The following PHACTR2 variants were observed in gnomAD, a reference collection of about 807,000 sequenced individuals.
The protein encoded by PHACTR2 is phosphatase and actin regulator 2.
PHACTR2 carries 30 observed loss-of-function variants against 76.0 expected under a neutral mutation model. The ratio of observed to expected loss-of-function variants is 0.39; its 90% CI spans 0.30 to 0.54. The LOEUF is 0.54. PHACTR2 is among the 20% of genes least tolerant of loss of function. PHACTR2 has a pLI of 0.61. For missense variants in PHACTR2, 696 were observed against 781.1 expected (o/e 0.89, Z 1.30); for synonymous variants, 292 against 292.5 (o/e 1.00, Z 0.02).
At chr6:143,734,393 C>A (rs971538713) in intron 2 of PHACTR2, among the ~76,000 whole-genome samples, 1 of 152,148 alleles carries the variant, frequency 6.6e-6, no homozygotes, top group Middle Eastern at 3.2e-3. Context: ...TGTGTTTAAT[C>A]CAAGCCGAGC....
intron 1 of PHACTR2, among the ~76,000 whole-genome samples, chr6:143,635,585 G>A (rs1441343693): frequency 1.3e-5 from 2 of 152,122 alleles, no homozygotes; most frequent in African/African-American, 4.8e-5. Context: ...ATTAATATTA[G>A]CAGGCCTATA....
At chr6:143,631,550 G>A (rs761059331) in intron 1 of PHACTR2, among the ~76,000 whole-genome samples, 28 of 152,148 alleles carry the variant, frequency 1.8e-4, no homozygotes, top group African/African-American at 4.8e-4. Context: ...GTGTGCTTCC[G>A]TGCCTATGGT....
In PHACTR2 at chr6:143,756,937, C is replaced by T. The variant is rs546186396; in HGVS notation, c.454+3025C>T. 4.0e-4 allele frequency among the ~76,000 whole-genome samples: 61 copies of T among 151,990 alleles called. 1 individual carries two copies. Among genetic ancestry groups the T allele is most frequent in the African/African-American group, 1.4e-3 (60 of 41,458 alleles). ...TGGTGGGCACCTGTAATCCCAGCTA[C>T]TGGGAAGCTGAGGCAGGGAGAATTG... On this transcript the variant is annotated intron_variant, in intron 4 of 12. Coordinates refer to ENST00000440869, the MANE Select transcript of PHACTR2 (RefSeq NM_001100164.2).
rs1006790747 is a variant in PHACTR2, at chr6:143,698,433, G to A, written c.47-13583G>A. 2.0e-5 allele frequency among the ~76,000 whole-genome samples: 3 copies of A among 152,202 alleles called. No homozygotes were observed. Among genetic ancestry groups the A allele is most frequent in the African/African-American group, 7.2e-5 (3 of 41,446 alleles). Reference sequence around the variant, plus strand: ...GAATTAGGTGTACAAACCAAGGAATGTTAATCTTTTGCTTTTCAGTGGCTT... The same window carrying A: ...GAATTAGGTGTACAAACCAAGGAATATTAATCTTTTGCTTTTCAGTGGCTT... On this transcript the variant is annotated intron_variant, in intron 1 of 12. Transcript: ENST00000440869. The surrounding 1 kb of genome is among the most constrained non-coding windows in gnomAD (Gnocchi z 4.3).
In PHACTR2 at chr6:143,718,042, C is replaced by T. The variant is rs373947393; in HGVS notation, c.214+5859C>T. 8.5e-5 allele frequency among the ~76,000 whole-genome samples: 13 copies of T among 152,180 alleles called. No individual in the cohort carries two copies. In the East Asian group the frequency reaches 2.5e-3, roughly 29 times the overall value. Reference sequence around the variant, plus strand: ...TGTCCTTATTTAAAAGTAAGTTATACTCCTGTATAAAGAAAATCAAGGCAA... The same window carrying T: ...TGTCCTTATTTAAAAGTAAGTTATATTCCTGTATAAAGAAAATCAAGGCAA... On this transcript the variant is annotated intron_variant, in intron 2 of 12. Coordinates refer to ENST00000440869, the MANE Select transcript of PHACTR2 (RefSeq NM_001100164.2).
rs1346552225 is a variant in PHACTR2 at position 143,597,535 on chromosome 6, G to C, written c.217+60328G>C. On this transcript the variant is annotated intron_variant, in intron 1 of 11. Coordinates refer to the PHACTR2 transcript ENST00000367584. This position sits in a 1 kb window ranked among gnomAD's most constrained non-coding sequence, Gnocchi z 5.7. ...GTGTATTACATATGTCATCTTTGCAGAGTTCAGTTGTAATTTGTCCTGGAC... is the reference window on the plus strand; with the variant it reads ...GTGTATTACATATGTCATCTTTGCACAGTTCAGTTGTAATTTGTCCTGGAC... 6.6e-6 allele frequency among the ~76,000 whole-genome samples: 1 copy of C among 152,198 alleles called. No individual in the cohort carries two copies. Among genetic ancestry groups the C allele is most frequent in the Non-Finnish European group, 1.5e-5 (1 of 68,036 alleles).
rs1326208628 is a variant in PHACTR2, at chr6:143,753,152, A to G, written c.296-602A>G. Among the ~76,000 whole-genome samples the G allele has an allele frequency of 6.6e-6, 1 of 151,942 alleles. No homozygotes were observed. The highest frequency in any genetic ancestry group is 1.5e-5 in the Non-Finnish European group (1 of 67,964). ...ATAATAATTACCTGAGTATACTTTA[A>G]TCTTTCCATAAACAAATAAAAATAA... On this transcript the variant is annotated intron_variant, in intron 3 of 12. Coordinates refer to ENST00000440869, the MANE Select transcript of PHACTR2 (RefSeq NM_001100164.2). This position sits in a 1 kb window ranked among gnomAD's most constrained non-coding sequence, Gnocchi z 4.6.
intron 1 of PHACTR2, among the ~76,000 whole-genome samples, chr6:143,540,748 A>G (rs773435961): frequency 6.6e-6 from 1 of 152,212 alleles, no homozygotes; most frequent in Non-Finnish European, 1.5e-5. Flanking sequence ...AATCTATACA[A>G]AAAAGTTAAG....
In PHACTR2 at chr6:143,678,200, C is replaced by T; in HGVS notation, c.37C>T (p.Pro13Ser). The T allele has an allele frequency of 6.5e-7, 1 of 1,536,288 alleles. No homozygotes were observed. Among genetic ancestry groups the T allele is most frequent in the Non-Finnish European group, 8.8e-7 (1 of 1,140,848 alleles). ...QTSVSTLSPQ[P>S]GSVDGLDKAS... is the part of the protein sequence containing the mutation. Reference sequence around the variant, plus strand: ...CTCGGTGTCCACGCTGTCCCCGCAGCCCGGCAGCGGTGAGTCCGGGGCGCA... The same window carrying T: ...CTCGGTGTCCACGCTGTCCCCGCAGTCCGGCAGCGGTGAGTCCGGGGCGCA... The change falls in exon 1 of 13, where the codon CCC (proline) becomes TCC (serine). Residue 13 changes from proline to serine, a missense_variant. Coordinates refer to ENST00000440869, the MANE Select transcript of PHACTR2 (RefSeq NM_001100164.2). The surrounding 1 kb of genome is among the most constrained non-coding windows in gnomAD (Gnocchi z 6.2).
rs1383416093 is a variant in PHACTR2 at position 143,811,997 on chromosome 6, T to C, written c.1922+4864T>C. ...CACAGCAGCTCTCCTTTCCTCTTATTAGCATGAGACATTGTCTCCTTATAC... is the reference window on the plus strand; with the variant it reads ...CACAGCAGCTCTCCTTTCCTCTTATCAGCATGAGACATTGTCTCCTTATAC... On this transcript the variant is annotated intron_variant, in intron 12 of 12. Coordinates refer to ENST00000440869, the MANE Select transcript of PHACTR2 (RefSeq NM_001100164.2). The surrounding 1 kb of genome is among the most constrained non-coding windows in gnomAD (Gnocchi z 4.1). Among the ~76,000 whole-genome samples, 1 of 152,192 alleles carries C rather than the reference T, an allele frequency of 6.6e-6. No homozygotes were observed. Among genetic ancestry groups the C allele is most frequent in the African/African-American group, 2.4e-5 (1 of 41,442 alleles).
chr6:143,679,595 C>T lies in PHACTR2; in HGVS notation c.46+1386C>T, dbSNP rs1777336281. 6.6e-6 allele frequency among the ~76,000 whole-genome samples: 1 copy of T among 152,044 alleles called. No homozygotes were observed. Among genetic ancestry groups the T allele is most frequent in the Admixed American group, 6.6e-5 (1 of 15,258 alleles). ...ATAGAATTAAATCTGTACTCCAATA[C>T]AAGAGTATACAGAAAGTATTGTCCT... On this transcript the variant is annotated intron_variant, in intron 1 of 12. Transcript: ENST00000440869. The surrounding 1 kb of genome is among the most constrained non-coding windows in gnomAD (Gnocchi z 4.6).
intron 11 of PHACTR2, among the ~76,000 whole-genome samples, chr6:143,802,479 A>AT (rs201154160): frequency 5.6e-4 from 81 of 145,114 alleles, no homozygotes; most frequent in South Asian, 1.3e-3. Flanking sequence ...ATCTCCACAA[A>AT]TTTTTTTTTT....
intron 1 of PHACTR2, among the ~76,000 whole-genome samples, chr6:143,588,507 G>T (rs1210607637): frequency 6.6e-6 from 1 of 152,198 alleles, no homozygotes; most frequent in Non-Finnish European, 1.5e-5. Context: ...TGTCACTAGG[G>T]TCTTGCAGAG....
chr6:143,642,238 T>G (rs1195693523), intron 1 of PHACTR2, among the ~76,000 whole-genome samples: 1 of 152,248 alleles, frequency 6.6e-6, no homozygotes, highest in Non-Finnish European at 1.5e-5. Flanking sequence ...CTACAGTTTT[T>G]GAAGATCCAG....
At chr6:143,635,729 G>A (rs1021284779) in intron 1 of PHACTR2, among the ~76,000 whole-genome samples, 1 of 152,044 alleles carries the variant, frequency 6.6e-6, no homozygotes, top group South Asian at 2.1e-4. Flanking sequence ...TTACTTTAAG[G>A]TCGTCTTGTT....
At position 143,775,436 on chromosome 6, in the gene PHACTR2, C is replaced by T. The variant is rs544161724; in HGVS notation, c.1589+1221C>T. Among the ~76,000 whole-genome samples the T allele has an allele frequency of 2.0e-5, 3 of 152,206 alleles. No individual in the cohort carries two copies. The East Asian group carries it at 5.8e-4, about 29-fold the overall frequency. On this transcript the variant is annotated intron_variant, in intron 8 of 12. Transcript: ENST00000440869. The surrounding 1 kb of genome is among the most constrained non-coding windows in gnomAD (Gnocchi z 4.4). Reference sequence around the variant, plus strand: ...GAGGGACTAACGTGATTAATGGTATCGAGCTGGAAAAACCTACAGTTCTAA... The same window carrying T: ...GAGGGACTAACGTGATTAATGGTATTGAGCTGGAAAAACCTACAGTTCTAA...
At chr6:143,660,457 A>G (rs1040758757) in intron 1 of PHACTR2, among the ~76,000 whole-genome samples, 1 of 152,130 alleles carries the variant, frequency 6.6e-6, no homozygotes, top group African/African-American at 2.4e-5. Context: ...AGACTCCCCC[A>G]TGATTCAATT....
At chr6:143,779,907 ATAT>A (rs958224645) in intron 9 of PHACTR2, among the ~76,000 whole-genome samples, 29 of 78,690 alleles carry the variant, frequency 3.7e-4, no homozygotes, top group African/African-American at 7.9e-4. Flanking sequence ...TATTTATATT[ATAT>A]TATATTATAT....
At position 143,680,588 on chromosome 6, in the gene PHACTR2, G is replaced by A. The variant is rs1208936552; in HGVS notation, c.46+2379G>A. ...GTTGCACCTAATTCTCTGGGTTCTA[G>A]GAAGACCATTAATAATTTTTTCTGA... On this transcript the variant is annotated intron_variant, in intron 1 of 12. Transcript: ENST00000440869. This position sits in a 1 kb window ranked among gnomAD's most constrained non-coding sequence, Gnocchi z 4.5. Among the ~76,000 whole-genome samples, 1 of 152,086 alleles carries A rather than the reference G, an allele frequency of 6.6e-6. No individual in the cohort carries two copies. The highest frequency in any genetic ancestry group is 1.5e-5 in the Non-Finnish European group (1 of 68,000).
Sources: gnomAD v4.1 joint callset for allele counts (sites outside exome capture counted in the v4.1 genomes callset) on GRCh38, gnomAD v4.1.1 for gene constraint, Gnocchi (gnomAD v3.1) non-coding constraint, MANE v1.5 for transcripts, NCBI Gene and HGNC (gene_info 2026-07-23, HGNC 2026-07-21) for gene names.